Variants in NEGR1 observed in about 807,000 individuals in gnomAD.
NEGR1 encodes IgLON family member 4.
In NEGR1, 10 loss-of-function variants were observed where a neutral mutation model predicts 40.9. The observed-to-expected ratio is 0.24, with a 90% confidence interval of 0.15 to 0.42. NEGR1 has a LOEUF of 0.42. Ranked by LOEUF, NEGR1 falls within the 10% of genes least tolerant of loss-of-function variation. The pLI is 1.00. For missense variants in NEGR1, 352 were observed against 438.9 expected (o/e 0.80, Z 1.77); for synonymous variants, 185 against 166.8 (o/e 1.11, Z -0.84).
At chr1:71,549,299 A>G (rs937738032) in intron 6 of NEGR1, among the ~76,000 whole-genome samples, 2 of 151,748 alleles carry the variant, frequency 1.3e-5, no homozygotes, top group African/African-American at 4.8e-5. Flanking sequence ...TATCCCTGTG[A>G]GACTAGATTA....
At chr1:72,124,433 G>C (rs1370599894) in intron 1 of NEGR1, among the ~76,000 whole-genome samples, 1 of 151,878 alleles carries the variant, frequency 6.6e-6, no homozygotes, top group Non-Finnish European at 1.5e-5. Context: ...GACTAGGGCA[G>C]AAAAAATATA....
intron 1 of NEGR1, among the ~76,000 whole-genome samples, chr1:71,951,606 T>G (rs1256132440): frequency 1.3e-5 from 2 of 151,954 alleles, no homozygotes; most frequent in Non-Finnish European, 2.9e-5. Flanking sequence ...AAAAATAGCT[T>G]CTTTTAATAA....
chr1:72,076,341 A>C (rs1309744339), intron 1 of NEGR1, among the ~76,000 whole-genome samples: 1 of 152,144 alleles, frequency 6.6e-6, no homozygotes, highest in East Asian at 1.9e-4. Flanking sequence ...ATTTACGAAC[A>C]AGGAAACAGA....
intron 6 of NEGR1, among the ~76,000 whole-genome samples, chr1:71,423,360 C>T (rs1029884557): frequency 2.0e-5 from 3 of 152,106 alleles, no homozygotes; most frequent in South Asian, 2.1e-4. Flanking sequence ...GCACCTTGCA[C>T]TCCAGCCTGG....
chr1:71,906,107 T>C (rs1273449821), intron 2 of NEGR1, among the ~76,000 whole-genome samples: 1 of 152,140 alleles, frequency 6.6e-6, no homozygotes, highest in Non-Finnish European at 1.5e-5. Context: ...CCCCTACTCA[T>C]GCTGCTAAAA....
intron 4 of NEGR1, among the ~76,000 whole-genome samples, chr1:71,655,100 A>G (rs991415577): frequency 2.0e-5 from 3 of 152,216 alleles, no homozygotes; most frequent in Non-Finnish European, 4.4e-5. Context: ...TTCCATTTAA[A>G]GAAGAACTTA....
intron 6 of NEGR1, among the ~76,000 whole-genome samples, chr1:71,501,933 T>G (rs1647001985): frequency 6.6e-6 from 1 of 152,212 alleles, no homozygotes; most frequent in African/African-American, 2.4e-5. Context: ...GGAACTCTAT[T>G]GACTTTTTTG....
At chr1:72,199,420 A>G (rs1286947826) in intron 1 of NEGR1, among the ~76,000 whole-genome samples, 1 of 152,056 alleles carries the variant, frequency 6.6e-6, no homozygotes, top group Non-Finnish European at 1.5e-5. Flanking sequence ...TAACCTTAAA[A>G]GAGCACAAAG....
At chr1:72,092,840 A>G (rs567179842) in intron 1 of NEGR1, among the ~76,000 whole-genome samples, 7 of 151,878 alleles carry the variant, frequency 4.6e-5, no homozygotes, top group Non-Finnish European at 8.8e-5. Flanking sequence ...TTTGTAGAGA[A>G]TAGGTTTCAC....
At chr1:72,083,490 T>G (rs1648085730) in intron 1 of NEGR1, among the ~76,000 whole-genome samples, 1 of 152,226 alleles carries the variant, frequency 6.6e-6, no homozygotes, top group South Asian at 2.1e-4. Flanking sequence ...TCAAAAGTAG[T>G]TGGGACTACA....
chr1:71,582,239 C>T (rs969974633), intron 6 of NEGR1, among the ~76,000 whole-genome samples: 6 of 151,568 alleles, frequency 4.0e-5, no homozygotes, highest in African/African-American at 1.5e-4. Context: ...ATATACAGTA[C>T]AAAGGGAAAA....
At chr1:71,813,409 A>C (rs1658077444) in intron 2 of NEGR1, among the ~76,000 whole-genome samples, 2 of 152,072 alleles carry the variant, frequency 1.3e-5, no homozygotes, top group Admixed American at 6.6e-5. Flanking sequence ...TGTCTTCCCT[A>C]TATGGGCTCT....
intron 2 of NEGR1, among the ~76,000 whole-genome samples, chr1:71,852,293 G>C (rs1357809905): frequency 1.3e-5 from 2 of 152,048 alleles, no homozygotes; most frequent in African/African-American, 4.8e-5. Context: ...TTGACAAGCC[G>C]GCAGCTTGCT....
intron 1 of NEGR1, among the ~76,000 whole-genome samples, chr1:72,190,072 G>C (rs571312714): frequency 6.6e-6 from 1 of 151,320 alleles, no homozygotes; most frequent in African/African-American, 2.4e-5. Flanking sequence ...AAATATTTTA[G>C]TAACAGGGAA....
intron 2 of NEGR1, among the ~76,000 whole-genome samples, chr1:71,914,040 A>G (rs1661503761): frequency 6.6e-6 from 1 of 152,196 alleles, no homozygotes; most frequent in African/African-American, 2.4e-5. Flanking sequence ...TTCTAATTTG[A>G]ACAATATAAG....
chr1:71,726,630 G>A (rs1035872397), intron 3 of NEGR1, among the ~76,000 whole-genome samples: 6 of 152,034 alleles, frequency 3.9e-5, no homozygotes, highest in African/African-American at 1.4e-4. Context: ...TATTCTTAAT[G>A]TCTTTAATCT....
intron 6 of NEGR1, among the ~76,000 whole-genome samples, chr1:71,562,111 C>A (rs12062481): frequency 1.3e-5 from 2 of 151,586 alleles, no homozygotes; most frequent in African/African-American, 4.8e-5. Context: ...TAGCCAAAAA[C>A]GTTTCTAGTG....
At chr1:72,190,860 T>G (rs1365189943) in intron 1 of NEGR1, among the ~76,000 whole-genome samples, 1 of 151,636 alleles carries the variant, frequency 6.6e-6, no homozygotes, top group African/African-American at 2.4e-5. Flanking sequence ...ACTTACAATA[T>G]TGACATAACA....
chr1:72,246,908 C>T (rs1233212200), intron 1 of NEGR1, among the ~76,000 whole-genome samples: 2 of 152,250 alleles, frequency 1.3e-5, no homozygotes, highest in African/African-American at 4.8e-5. Context: ...TTAATTCTTA[C>T]ATTCTGCACA....
Sources: gnomAD v4.1 joint callset for allele counts (sites outside exome capture counted in the v4.1 genomes callset) on GRCh38, gnomAD v4.1.1 for gene constraint, MANE v1.5 for transcripts, NCBI Gene and HGNC (gene_info 2026-07-23, HGNC 2026-07-21) for gene names.